Variants in AKR1C4 observed in about 807,000 individuals in gnomAD.
The protein encoded by AKR1C4 is aldo-keto reductase family 1 member C4.
In AKR1C4, 44 loss-of-function variants were observed where a neutral mutation model predicts 41.0. The observed-to-expected ratio is 1.07, with a 90% CI of 0.84 to 1.38. The LOEUF is 1.38. AKR1C4 is among the 40% of genes most tolerant of loss of function. The pLI is 0.00. For missense variants in AKR1C4, 438 were observed against 387.9 expected (o/e 1.13, Z -1.09); for synonymous variants, 165 against 137.7 (o/e 1.20, Z -1.39).
At chr10:5,204,028 A>C (rs1393787032) in intron 2 of AKR1C4, among the ~76,000 whole-genome samples, 2 of 152,212 alleles carry the variant, frequency 1.3e-5, no homozygotes, top group Non-Finnish European at 2.9e-5. Flanking sequence ...TTTGCTCTTC[A>C]GTTTCTAAAC....
chr10:5,216,451 C>T (rs1832658620), intron 7 of AKR1C4, among the ~76,000 whole-genome samples: 1 of 152,128 alleles, frequency 6.6e-6, no homozygotes, highest in Admixed American at 6.6e-5. Context: ...CACATAAGGT[C>T]AACTTCGTTC....
At chr10:5,212,545 CTTATT>C (rs2132137212) in intron 5 of AKR1C4, 66 bp from the exon 6 acceptor site, 3 of 1,320,138 alleles carry the variant, frequency 2.3e-6, no homozygotes, top group African/African-American at 1.5e-5. Context: ...CTTTATTCAG[CTTATT>C]TTAATCTTTA....
In AKR1C4 at chr10:5,205,887, T is replaced by C. The variant is rs782526340; in HGVS notation, c.447+53T>C. Reference sequence around the variant, plus strand: ...AAAGGAAGACAAGAAGAGGTAAACCTGTTCCCCAGCTTTCATATGCAACAT... The same window carrying C: ...AAAGGAAGACAAGAAGAGGTAAACCCGTTCCCCAGCTTTCATATGCAACAT... On this transcript the variant is annotated intron_variant, in intron 4 of 8. Transcript: ENST00000263126. 1.0e-5 allele frequency: 16 copies of C among 1,524,418 alleles called. No homozygotes were observed. In the African/African-American group the frequency reaches 1.9e-4, roughly 19 times the overall value. 94.4% of individuals were successfully genotyped at this position (1,524,418 alleles called of 1,614,324 possible).
intron 2 of AKR1C4, among the ~76,000 whole-genome samples, chr10:5,202,019 T>A (rs1359877487): frequency 6.6e-6 from 1 of 152,230 alleles, no homozygotes; most frequent in Non-Finnish European, 1.5e-5. Flanking sequence ...TGTAGTATAA[T>A]TTGAAGTCTG....
chr10:5,206,454 C>T (rs1554797501), intron 5 of AKR1C4, 57 bp downstream of exon 5: 4 of 1,608,806 alleles, frequency 2.5e-6, no homozygotes, highest in Non-Finnish European at 3.4e-6. Context: ...TCCTGTCCTA[C>T]TGCCTGGCTT....
Position 5,218,765 on chromosome 10 carries a change from G to A in AKR1C4, c.*5G>A. On this transcript the variant is annotated 3_prime_UTR_variant, in exon 9 of 9. Coordinates refer to ENST00000263126, the MANE Select transcript of AKR1C4 (RefSeq NM_001818.5). ...CCATTTTCAGATGAATATTAGCATA[G>A]AGGGTGTTGCACGACATCTAGCAGA... 6.2e-7 allele frequency: 1 copy of A among 1,604,060 alleles called. No individual in the cohort carries two copies. The highest frequency in any genetic ancestry group is 8.5e-7 in the Non-Finnish European group (1 of 1,170,946).
chr10:5,197,728 A>C (rs1325674307), intron 1 of AKR1C4, among the ~76,000 whole-genome samples: 6 of 152,252 alleles, frequency 3.9e-5, no homozygotes, highest in African/African-American at 1.4e-4. Flanking sequence ...AATAAGGAGT[A>C]GTCACATAAA....
chr10:5,207,631 A>C (rs782526976), intron 5 of AKR1C4: 70 of 1,169,404 alleles, frequency 6.0e-5, no homozygotes, highest in Non-Finnish European at 8.2e-5. Flanking sequence ...AAGCTCATCA[A>C]CTCCTTGGCA....
intron 1 of AKR1C4, among the ~76,000 whole-genome samples, chr10:5,197,491 C>T (rs1398217987): frequency 6.6e-6 from 1 of 152,152 alleles, no homozygotes; most frequent in Non-Finnish European, 1.5e-5. Flanking sequence ...CAACTCTCAC[C>T]TCTAGGAAAA....
intron 5 of AKR1C4, among the ~76,000 whole-genome samples, chr10:5,208,254 T>C (rs969709009): frequency 6.6e-6 from 1 of 151,644 alleles, no homozygotes; most frequent in Admixed American, 6.6e-5. Flanking sequence ...TTCTGTTCTC[T>C]TACTCTTTTA....
intron 1 of AKR1C4, among the ~76,000 whole-genome samples, chr10:5,199,099 A>C (rs1440645834): frequency 6.6e-6 from 1 of 151,888 alleles, no homozygotes; most frequent in African/African-American, 2.4e-5. Flanking sequence ...TTGTTGGGAA[A>C]CTCCATGCTA....
intron 2 of AKR1C4, among the ~76,000 whole-genome samples, chr10:5,203,571 G>A (rs1346076354): frequency 1.3e-5 from 2 of 152,196 alleles, no homozygotes; most frequent in African/African-American, 2.4e-5. Context: ...CACACTCTGG[G>A]CACTTACAGT....
At chr10:5,210,340 T>A (rs1554797808) in intron 5 of AKR1C4, among the ~76,000 whole-genome samples, 1 of 152,146 alleles carries the variant, frequency 6.6e-6, no homozygotes, top group Non-Finnish European at 1.5e-5. Flanking sequence ...TGGGCTGGCA[T>A]TGAGTGTCTG....
intron 5 of AKR1C4, among the ~76,000 whole-genome samples, chr10:5,208,053 A>T (rs1832516800): frequency 9.1e-6 from 1 of 109,406 alleles, no homozygotes; most frequent in Non-Finnish European, 2.0e-5. Context: ...AGTGAAATAA[A>T]ACTTTAAAGA....
At chr10:5,207,137 AT>A in intron 5 of AKR1C4, 1 of 182,080 alleles carries the variant, frequency 5.5e-6, no homozygotes. Flanking sequence ...AAAGCATTTC[AT>A]TTTGGGACAT....
In AKR1C4 at chr10:5,211,691, G is replaced by A. The variant is rs1011744859; in HGVS notation, c.571-925G>A. Among the ~76,000 whole-genome samples the A allele has an allele frequency of 1.4e-4, 22 of 152,214 alleles. 1 individual carries two copies. The highest frequency in any genetic ancestry group is 1.4e-3 in the Admixed American group (22 of 15,296). On this transcript the variant is annotated intron_variant, in intron 5 of 8. Coordinates refer to ENST00000263126, the MANE Select transcript of AKR1C4 (RefSeq NM_001818.5). ...CCTCTACATATTACCTAGTTCCAAT[G>A]TCACTTCATTTTCAGGTATCTATCT...
Position 5,205,776 on chromosome 10 carries a change from C to A in AKR1C4, c.389C>A (p.Pro130Gln), listed in dbSNP as rs1554797415. The A allele has an allele frequency of 1.9e-6, 3 of 1,613,238 alleles. No homozygotes were observed. The highest frequency in any genetic ancestry group is 1.1e-5 in the South Asian group (1 of 91,012). Residue 130 changes from proline to glutamine, a missense_variant, in exon 4 of 9, where the codon CCA (proline) becomes CAA (glutamine). By Grantham distance (76) the Pro-to-Gln change is moderately conservative. Coordinates refer to ENST00000263126, the MANE Select transcript of AKR1C4 (RefSeq NM_001818.5). The part of the protein sequence containing the change: ...MALKPGETPL[P>Q]KDENGKVIFD... ...CTTCAGCCAGGTGAGACGCCACTAC[C>A]AAAAGATGAAAATGGAAAAGTAATA...
chr10:5,218,671 A>G (rs781936211), intron 8 of AKR1C4, 47 bp from the exon 9 acceptor site: 2 of 1,482,584 alleles, frequency 1.3e-6, no homozygotes, highest in African/African-American at 1.4e-5. Context: ...CAGCTTTTTA[A>G]TAGAGTCATT....
At chr10:5,212,164 T>C (rs1832585479) in intron 5 of AKR1C4, among the ~76,000 whole-genome samples, 1 of 152,220 alleles carries the variant, frequency 6.6e-6, no homozygotes, top group Non-Finnish European at 1.5e-5. Context: ...AAGACATGGA[T>C]TGTTTTGCTA....
Sources: allele counts gnomAD v4.1 joint callset (sites outside exome capture counted in the v4.1 genomes callset), GRCh38; gene constraint gnomAD v4.1.1; transcripts MANE v1.5; gene names NCBI Gene and HGNC (gene_info 2026-07-23, HGNC 2026-07-21).